The following PCDHA3 variants were observed in gnomAD, a reference collection of about 807,000 sequenced individuals.
PCDHA3 encodes protocadherin alpha 3.
In PCDHA3, 41 loss-of-function variants were observed where a neutral mutation model predicts 62.2. The observed-to-expected ratio is 0.66, with a 90% confidence interval of 0.51 to 0.86. The LOEUF (loss-of-function observed/expected upper bound fraction) is 0.86, where lower values mean the gene tolerates loss of function less well. PCDHA3 is among the 40% of genes least tolerant of loss of function. PCDHA3 has a pLI of 0.00. For synonymous variants in PCDHA3, 640 were observed against 555.4 expected (o/e 1.15, Z -2.14); for missense variants, 1,304 against 1,241.2 (o/e 1.05, Z -0.76).
At chr5:140,945,630 A>C (rs1445072054) in intron 1 of PCDHA3, among the ~76,000 whole-genome samples, 1 of 152,166 alleles carries the variant, frequency 6.6e-6, no homozygotes, top group African/African-American at 2.4e-5. Context: ...CTGGCATAAA[A>C]GACATGTAGA....
At chr5:140,925,671 A>AATAATAATAATAATG (rs1445697337) in intron 1 of PCDHA3, among the ~76,000 whole-genome samples, 106 of 148,180 alleles carry the variant, frequency 7.2e-4, no homozygotes, top group African/African-American at 2.6e-3. Context: ...TAATAATAAT[A>AATAATAATAATAATG]ATAATAAAGC....
At chr5:140,869,222 AAC>A (rs1554162674) in intron 1 of PCDHA3, 2 of 1,613,834 alleles carry the variant, frequency 1.2e-6, no homozygotes, top group South Asian at 2.2e-5. Context: ...GAGGAGGCCA[AAC>A]ACGGCACCTT....
At position 140,823,889 on chromosome 5, in the gene PCDHA3, C is replaced by G. The variant is rs2150130096; in HGVS notation, c.2394+20298C>G. ...GTGTACCTGATCATCGCCATCTGTGCGGTGTCCAGCCTGCTGGTGCTCACG... is the reference window on the plus strand; with the variant it reads ...GTGTACCTGATCATCGCCATCTGTGGGGTGTCCAGCCTGCTGGTGCTCACG... On this transcript the variant is annotated intron_variant, in intron 1 of 3. Coordinates refer to ENST00000522353, the MANE Select transcript of PCDHA3 (RefSeq NM_018906.3). 20 of 1,613,944 alleles carry G rather than the reference C, an allele frequency of 1.2e-5. No individual in the cohort carries two copies. The highest frequency in any genetic ancestry group is 1.5e-5 in the Non-Finnish European group (18 of 1,179,938).
intron 1 of PCDHA3, chr5:140,927,030 A>T: frequency 6.2e-7 from 1 of 1,612,410 alleles, no homozygotes; most frequent in Non-Finnish European, 8.5e-7. Flanking sequence ...TGAGGCTGCC[A>T]GCGGCCGCTA....
chr5:140,842,603 C>A (rs2150340320), intron 1 of PCDHA3: 3 of 1,548,222 alleles, frequency 1.9e-6, no homozygotes, highest in Non-Finnish European at 2.6e-6. Context: ...GGTAACCGCG[C>A]GGGACGGGGG....
intron 1 of PCDHA3, among the ~76,000 whole-genome samples, chr5:140,943,500 G>T (rs907493905): frequency 6.6e-6 from 1 of 152,048 alleles, no homozygotes; most frequent in Non-Finnish European, 1.5e-5. Flanking sequence ...TGCTATCAAG[G>T]TTCATGGAAA....
At chr5:140,926,483 A>C (rs1261469017) in intron 1 of PCDHA3, 4 of 168,788 alleles carry the variant, frequency 2.4e-5, no homozygotes, top group East Asian at 1.7e-4. Flanking sequence ...TAAGGAGAGA[A>C]GTGTTAGTGT....
chr5:140,898,464 T>C (rs2066757130), intron 1 of PCDHA3, among the ~76,000 whole-genome samples: 1 of 152,198 alleles, frequency 6.6e-6, no homozygotes, highest in Admixed American at 6.5e-5. Flanking sequence ...CCCCATTGCT[T>C]GTTTTTCTCA....
In PCDHA3 at chr5:140,876,844, C is replaced by A. The variant is rs200154646; in HGVS notation, c.2394+73253C>A. ...CGACAATGCGCCTGCGTTCGCGCAGCCCGAGTACACAGTGTTCGTGAAGGA... is the reference window on the plus strand; with the variant it reads ...CGACAATGCGCCTGCGTTCGCGCAGACCGAGTACACAGTGTTCGTGAAGGA... On this transcript the variant is annotated intron_variant, in intron 1 of 3. Coordinates refer to ENST00000522353, the MANE Select transcript of PCDHA3 (RefSeq NM_018906.3). The A allele has an allele frequency of 3.6e-5, 58 of 1,614,134 alleles. No homozygotes were observed. In the East Asian group the frequency reaches 1.2e-3, roughly 32 times the overall value.
rs543030376 is a variant in PCDHA3, at chr5:140,961,758, G to A, written c.2395-17191G>A. 3.3e-5 allele frequency among the ~76,000 whole-genome samples: 5 copies of A among 152,240 alleles called. No individual in the cohort carries two copies. In the South Asian group the frequency reaches 8.3e-4, roughly 25 times the overall value. On this transcript the variant is annotated intron_variant, in intron 1 of 3. Coordinates refer to ENST00000522353, the MANE Select transcript of PCDHA3 (RefSeq NM_018906.3). ...CTTTAGTAATATTACAGTTTTGAAG[G>A]AATTTATATCAAGCTTAATGGCACT...
In PCDHA3 at chr5:140,937,639, A is replaced by G. The variant is rs140444916; in HGVS notation, c.2395-41310A>G. On this transcript the variant is annotated intron_variant, in intron 1 of 3. Transcript: ENST00000522353. ...CTAAAAAGAAAAAGAAAGGCAGGGC[A>G]TGGTGGCTCACGCCTGTAATCCCAG... is the stretch of plus-strand genomic sequence containing the variant. 9.3e-5 allele frequency among the ~76,000 whole-genome samples: 14 copies of G among 151,094 alleles called. No individual in the cohort carries two copies. In the East Asian group the frequency reaches 1.8e-3, roughly 20 times the overall value.
At chr5:140,830,659 T>G (rs1771191789) in intron 1 of PCDHA3, 2 of 412,340 alleles carry the variant, frequency 4.9e-6, no homozygotes, top group East Asian at 9.9e-5. Flanking sequence ...TATTCATAAT[T>G]TAAGTGAAAT....
intron 1 of PCDHA3, among the ~76,000 whole-genome samples, chr5:140,953,569 C>G (rs246030): frequency 0.56 from 85,556 of 151,828 alleles, 24,725 homozygotes; most frequent in African/African-American, 0.69. Context: ...TTAGTGCCCT[C>G]CTCTCCCAAA....
chr5:140,907,365 G>A (rs782137145), intron 1 of PCDHA3, among the ~76,000 whole-genome samples: 20 of 152,178 alleles, frequency 1.3e-4, no homozygotes, highest in African/African-American at 2.4e-4. Flanking sequence ...TTCTTTAGTC[G>A]TAAAGTGAGT....
At chr5:140,821,891 A>G in intron 1 of PCDHA3, 1 of 1,614,232 alleles carries the variant, frequency 6.2e-7, no homozygotes, top group Non-Finnish European at 8.5e-7. Flanking sequence ...GAGGAAGCCA[A>G]ACACGGAACC....
At chr5:140,849,668 C>T (rs1208078689) in intron 1 of PCDHA3, 1 of 1,598,736 alleles carries the variant, frequency 6.3e-7, no homozygotes, top group Non-Finnish European at 8.6e-7. Flanking sequence ...CCCTGACGCC[C>T]CACGTCCCCT....
In PCDHA3 at chr5:140,884,064, C is replaced by A. The variant is rs150717183; in HGVS notation, c.2394+80473C>A. On this transcript the variant is annotated intron_variant, in intron 1 of 3. Transcript: ENST00000522353. ...GTGGCGAAGGTGCGCGCGGTGGACGCCGATTCGGGCTACAATGCGTGGCTT... is the reference window on the plus strand; with the variant it reads ...GTGGCGAAGGTGCGCGCGGTGGACGACGATTCGGGCTACAATGCGTGGCTT... 2.3e-3 allele frequency: 3,707 copies of A among 1,613,502 alleles called. 15 individuals carry two copies. Among genetic ancestry groups the A allele is most frequent in the Middle Eastern group, 9.0e-3 (54 of 5,970 alleles).
intron 1 of PCDHA3, among the ~76,000 whole-genome samples, chr5:140,976,886 AC>A (rs2096735847): frequency 6.6e-6 from 1 of 152,232 alleles, no homozygotes; most frequent in African/African-American, 2.4e-5. Flanking sequence ...GAATTAGGAT[AC>A]ATGCAACAGT....
chr5:140,872,307 C>T (rs1329371918), intron 1 of PCDHA3, among the ~76,000 whole-genome samples: 2 of 152,046 alleles, frequency 1.3e-5, no homozygotes, highest in East Asian at 3.9e-4. Flanking sequence ...TTATATGCTG[C>T]TTTATGGAAA....
Sources: gnomAD v4.1 joint callset for allele counts (sites outside exome capture counted in the v4.1 genomes callset) on GRCh38, gnomAD v4.1.1 for gene constraint, MANE v1.5 for transcripts, NCBI Gene and HGNC (gene_info 2026-07-23, HGNC 2026-07-21) for gene names.